The following BTBD7 variants were observed in gnomAD, a reference collection of about 807,000 sequenced individuals.
The protein encoded by BTBD7 is BTB domain containing 7.
BTBD7 carries 38 observed loss-of-function variants against 99.9 expected under a neutral mutation model. The observed-to-expected ratio is 0.38, with a 90% CI of 0.29 to 0.50. The LOEUF is 0.50. Among genes scored for constraint, BTBD7 ranks in the 20% least tolerant of loss-of-function variants. BTBD7 has a pLI of 0.93. For missense variants in BTBD7, 1,170 were observed against 1,394.6 expected (o/e 0.84, Z 2.57); for synonymous variants, 520 against 511.4 (o/e 1.02, Z -0.23).
At chr14:93,324,421 C>CAAAAAAAAAAAAA (rs768532376) in intron 1 of BTBD7, among the ~76,000 whole-genome samples, 18 of 89,876 alleles carry the variant, frequency 2.0e-4, no homozygotes, top group South Asian at 9.5e-4. Context: ...GACCCTGTCT[C>CAAAAAAAAAAAAA]AAAAAAAAAA....
chr14:93,270,870 C>T (rs2052594483), intron 3 of BTBD7, among the ~76,000 whole-genome samples: 1 of 152,198 alleles, frequency 6.6e-6, no homozygotes, highest in South Asian at 2.1e-4. Flanking sequence ...ATTTCTTTTG[C>T]TTGTGTGATA....
intron 1 of BTBD7, among the ~76,000 whole-genome samples, chr14:93,322,289 C>A (rs1566866311): frequency 6.7e-6 from 1 of 148,752 alleles, no homozygotes; most frequent in East Asian, 2.0e-4. Context: ...AATTTTTAAA[C>A]TTTTTTTTTT....
chr14:93,301,603 T>C (rs763895347), intron 1 of BTBD7, among the ~76,000 whole-genome samples: 3 of 152,048 alleles, frequency 2.0e-5, no homozygotes, highest in South Asian at 2.1e-4. Flanking sequence ...GGCAGGAAGA[T>C]TGCTTGTGCC....
intron 5 of BTBD7, among the ~76,000 whole-genome samples, chr14:93,257,716 TA>T (rs1234066317): frequency 2.6e-5 from 4 of 152,214 alleles, no homozygotes; most frequent in African/African-American, 9.6e-5. Context: ...TTTAGTAGTA[TA>T]AGGTCATTGT....
chr14:93,319,335 A>C (rs1384432927), intron 1 of BTBD7, among the ~76,000 whole-genome samples: 2 of 152,240 alleles, frequency 1.3e-5, no homozygotes, highest in African/African-American at 4.8e-5. Flanking sequence ...CTTAACAATT[A>C]ATAGATATCA....
At chr14:93,248,335 A>T in intron 9 of BTBD7, 141 bp downstream of exon 9, 1 of 797,652 alleles carries the variant, frequency 1.3e-6, no homozygotes, top group Non-Finnish European at 1.9e-6. Context: ...AGGGACTTGC[A>T]GGTTATCAAA....
chr14:93,318,776 T>C (rs1221196123), intron 1 of BTBD7, among the ~76,000 whole-genome samples: 1 of 152,232 alleles, frequency 6.6e-6, no homozygotes, highest in Non-Finnish European at 1.5e-5. Context: ...CACTTCAATT[T>C]CCATACTCAC....
Position 93,295,933 on chromosome 14 carries a change from C to T in BTBD7, c.82+37G>A, listed in dbSNP as rs1317248093. 5 of 1,588,704 alleles carry T rather than the reference C, an allele frequency of 3.1e-6. No individual in the cohort carries two copies. In the South Asian group the frequency reaches 4.4e-5, roughly 14 times the overall value. On this transcript the variant is annotated intron_variant, in intron 2 of 10. Coordinates refer to ENST00000334746, the MANE Select transcript of BTBD7 (RefSeq NM_001002860.4). ...ACCGAAAACACAATTCTATTATAGT[C>T]ACAAAAGAAAATGAAGTTAGAAAAA... is the stretch of plus-strand genomic sequence containing the variant.
rs769701963 is a variant in BTBD7, at chr14:93,246,107, G to A, written c.2301C>T (p.Pro767=). 2 of 1,544,240 alleles carry A rather than the reference G, an allele frequency of 1.3e-6. No homozygotes were observed. Among genetic ancestry groups the A allele is most frequent in the South Asian group, 1.1e-5 (1 of 88,428 alleles). Residue 767 remains proline, a synonymous_variant, in exon 10 of 11, where the codon CCC becomes CCT. Transcript: ENST00000334746. ...PLPPPPPPYH[P]PATPIHNQLK... is the part of the protein sequence containing the mutation. ...GTTGGTTATGGATTGGGGTAGCTGG[G>A]GGGTGGTAGGGAGGTGGTGGAGGGG...
intron 9 of BTBD7, among the ~76,000 whole-genome samples, chr14:93,248,271 G>C (rs1225256084): frequency 6.6e-6 from 1 of 152,160 alleles, no homozygotes; most frequent in Non-Finnish European, 1.5e-5. Flanking sequence ...CTTAAACCCA[G>C]TTCTCATCCT....
At chr14:93,324,080 G>C (rs2053300314) in intron 1 of BTBD7, among the ~76,000 whole-genome samples, 1 of 152,178 alleles carries the variant, frequency 6.6e-6, no homozygotes, top group African/African-American at 2.4e-5. Context: ...AGTTCCAAAA[G>C]AATGTATGAC....
At chr14:93,303,346 G>A (rs111499329) in intron 1 of BTBD7, among the ~76,000 whole-genome samples, 11,948 of 152,020 alleles carry the variant, frequency 0.079, 1,004 homozygotes, top group African/African-American at 0.21. Flanking sequence ...ACACATGCCT[G>A]TAATCCTGGC....
rs374922069 is a variant in BTBD7, at chr14:93,239,490, C to T, written c.*2783G>A. On this transcript the variant is annotated 3_prime_UTR_variant, in exon 11 of 11. Coordinates refer to ENST00000334746, the MANE Select transcript of BTBD7 (RefSeq NM_001002860.4). ...TGAGAGCAACCTTACTCAGACTTCACATTTATCTTAGTACAGCATTAAAAA... is the reference window on the plus strand; with the variant it reads ...TGAGAGCAACCTTACTCAGACTTCATATTTATCTTAGTACAGCATTAAAAA... 1.3e-5 allele frequency: 2 copies of T among 150,612 alleles called. No individual in the cohort carries two copies. Among genetic ancestry groups the T allele is most frequent in the South Asian group, 2.1e-4 (1 of 4,764 alleles). 9.3% of individuals were successfully genotyped at this position (150,612 alleles called of 1,614,324 possible).
At chr14:93,288,393 A>G (rs2052806398) in intron 3 of BTBD7, 3 of 638,394 alleles carry the variant, frequency 4.7e-6, no homozygotes, top group Non-Finnish European at 8.3e-6. Context: ...TGCTTCCATT[A>G]TATCTTTCAT....
chr14:93,316,375 C>T (rs74611782), intron 1 of BTBD7, among the ~76,000 whole-genome samples: 2,567 of 152,038 alleles, frequency 0.017, 78 homozygotes, highest in African/African-American at 0.059. Flanking sequence ...GTGATCCTCC[C>T]GAATAACTGG....
chr14:93,248,675 G>C, intron 8 of BTBD7, 21 bp from the exon 9 acceptor site: 2 of 1,568,696 alleles, frequency 1.3e-6, no homozygotes, highest in Non-Finnish European at 1.7e-6. Context: ...AACAACAGTG[G>C]GCAAGCAAAA....
intron 1 of BTBD7, among the ~76,000 whole-genome samples, chr14:93,298,686 C>CT (rs1314622247): frequency 5.9e-5 from 9 of 151,956 alleles, no homozygotes; most frequent in Admixed American, 2.6e-4. Flanking sequence ...TCAAAAATCC[C>CT]TTTTTTTAAA....
Position 93,294,937 on chromosome 14 carries a change from C to T in BTBD7, c.83G>A (p.Gly28Glu). 2.6e-6 allele frequency: 4 copies of T among 1,526,702 alleles called. No individual in the cohort carries two copies. Among genetic ancestry groups the T allele is most frequent in the Non-Finnish European group, 3.5e-6 (4 of 1,140,862 alleles). The allele number at this position is 1,526,702 out of a possible 1,614,324, so 94.6% of individuals were successfully genotyped here. ...GNSQAQQTFI[G>E]TSSYSQQGYG... The stretch of plus-strand genomic sequence containing the variant: ...GCCTTGCTGAGAATAGGATGAGGTC[C>T]CTAAGAAAAAAATTAAACAAATGAA... Residue 28 changes from glycine (G) to glutamate (E), a missense_variant and splice_region_variant, in exon 3 of 11, where the codon GGG (glycine) becomes GAG (glutamate). Gly to Glu is a moderately conservative substitution (Grantham distance 98). Around this residue, in one of 4 missense-constraint regions of BTBD7, gnomAD observed 359 missense variants for 497.9 expected, o/e 0.72. Coordinates refer to ENST00000334746, the MANE Select transcript of BTBD7 (RefSeq NM_001002860.4).
At position 93,245,738 on chromosome 14, in the gene BTBD7, G is replaced by A. The variant is rs557214066; in HGVS notation, c.2583+87C>T. 2.0e-6 allele frequency: 3 copies of A among 1,536,782 alleles called. No individual in the cohort carries two copies. The South Asian group carries it at 3.8e-5, about 19-fold the overall frequency. ...CAGCAATACTTCTGGGCACTGCTGAGTCCCAGTGGGGCTCTTGGGGCCAAG... is the reference window on the plus strand; with the variant it reads ...CAGCAATACTTCTGGGCACTGCTGAATCCCAGTGGGGCTCTTGGGGCCAAG... On this transcript the variant is annotated intron_variant, in intron 10 of 10. Coordinates refer to ENST00000334746, the MANE Select transcript of BTBD7 (RefSeq NM_001002860.4).
Sources: gnomAD v4.1 joint callset for allele counts (sites outside exome capture counted in the v4.1 genomes callset) on GRCh38, gnomAD v4.1.1 for gene constraint, gnomAD v4.1.1 regional missense constraint, MANE v1.5 for transcripts, NCBI Gene and HGNC (gene_info 2026-07-23, HGNC 2026-07-21) for gene names.